Variants in AFG2A observed in about 807,000 individuals in gnomAD.
The protein encoded by AFG2A is AAA ATPase AFG2A.
At chr4:122,948,387 T>C in the AFG2A span, among the ~76,000 whole-genome samples, 271 of 129,604 alleles carry the variant, frequency 2.1e-3, 2 homozygotes, top group African/African-American at 7.1e-3. Flanking sequence ...CTCCAGAGTA[T>C]ACACACACAC....
chr4:123,073,878 C>G, the AFG2A span, among the ~76,000 whole-genome samples: 1 of 152,256 alleles, frequency 6.6e-6, no homozygotes, highest in East Asian at 1.9e-4. Flanking sequence ...ATTTAGGACT[C>G]AGAAATGCCC....
At chr4:122,943,971 T>C in the AFG2A span, among the ~76,000 whole-genome samples, 3 of 152,168 alleles carry the variant, frequency 2.0e-5, no homozygotes, top group African/African-American at 7.2e-5. Context: ...GCCCCCACTC[T>C]CTTCTGGCTT....
At chr4:123,165,518 A>T in the AFG2A span, among the ~76,000 whole-genome samples, 1 of 152,066 alleles carries the variant, frequency 6.6e-6, no homozygotes, top group Non-Finnish European at 1.5e-5. Flanking sequence ...CATTAGAAAA[A>T]CTATTGCTAC....
chr4:123,058,053 A>T, the AFG2A span, among the ~76,000 whole-genome samples: 1 of 152,214 alleles, frequency 6.6e-6, no homozygotes, highest in African/African-American at 2.4e-5. Context: ...CATTGCTGTT[A>T]TCATCCTTCT....
chr4:123,163,507 G>T, the AFG2A span, among the ~76,000 whole-genome samples: 1 of 152,134 alleles, frequency 6.6e-6, no homozygotes, highest in Admixed American at 6.5e-5. Flanking sequence ...AGTAAATTAG[G>T]TCATGCTTAT....
the AFG2A span, among the ~76,000 whole-genome samples, chr4:123,207,334 G>C: frequency 7.7e-6 from 1 of 129,692 alleles, no homozygotes. Flanking sequence ...TCTGTCGTCT[G>C]GGGTGGAGTG....
the AFG2A span, among the ~76,000 whole-genome samples, chr4:123,132,578 A>T: frequency 7.0e-6 from 1 of 143,118 alleles, no homozygotes. Context: ...GAATGGACGA[A>T]GAAAACATGA....
At chr4:122,946,264 A>G in the AFG2A span, among the ~76,000 whole-genome samples, 1 of 152,244 alleles carries the variant, frequency 6.6e-6, no homozygotes, top group Non-Finnish European at 1.5e-5. Flanking sequence ...AGGAAATCAG[A>G]TGAAAGGCTT....
the AFG2A span, among the ~76,000 whole-genome samples, chr4:123,198,186 T>C: frequency 1.3e-5 from 2 of 151,876 alleles, no homozygotes; most frequent in African/African-American, 2.4e-5. Context: ...GGAGAATCGC[T>C]TGAGCCCGGG....
chr4:123,189,809 C>CTTTTTTTTTTTTTTTTTTT, the AFG2A span, among the ~76,000 whole-genome samples: 2 of 61,776 alleles, frequency 3.2e-5, no homozygotes, highest in African/African-American at 1.3e-4. Context: ...AGGTCATTTG[C>CTTTTTTTTTTTTTTTTTTT]TTTTTTTTTT....
chr4:122,958,933 A>G, the AFG2A span, among the ~76,000 whole-genome samples: 1 of 152,152 alleles, frequency 6.6e-6, no homozygotes, highest in Non-Finnish European at 1.5e-5. Flanking sequence ...CTTGTCTGTG[A>G]CTGGACATTT....
At chr4:123,165,067 T>C in the AFG2A span, among the ~76,000 whole-genome samples, 1 of 151,912 alleles carries the variant, frequency 6.6e-6, no homozygotes, top group Non-Finnish European at 1.5e-5. Context: ...TTATTTGGAG[T>C]GAACTGTAAA....
the AFG2A span, among the ~76,000 whole-genome samples, chr4:123,274,547 T>A: frequency 6.6e-6 from 1 of 151,778 alleles, no homozygotes; most frequent in African/African-American, 2.4e-5. Context: ...TTTGGATCGT[T>A]GCTGGTTTGG....
the AFG2A span, among the ~76,000 whole-genome samples, chr4:123,297,075 C>T: frequency 2.6e-5 from 4 of 152,144 alleles, no homozygotes; most frequent in Admixed American, 6.5e-5. Flanking sequence ...CTGAACCGCC[C>T]CAGATTGGAG....
the AFG2A span, among the ~76,000 whole-genome samples, chr4:123,015,857 G>T: frequency 6.2e-5 from 4 of 64,138 alleles, no homozygotes; most frequent in East Asian, 6.1e-4. Flanking sequence ...GCCGGGCGGG[G>T]GGCTGACCCC....
the AFG2A span, among the ~76,000 whole-genome samples, chr4:123,075,937 A>C: frequency 4.6e-5 from 7 of 150,928 alleles, no homozygotes; most frequent in Non-Finnish European, 1.0e-4. Flanking sequence ...AGCCTGGGCA[A>C]CAAGGGCGAA....
the AFG2A span, among the ~76,000 whole-genome samples, chr4:122,939,578 T>C: frequency 6.6e-6 from 1 of 152,140 alleles, no homozygotes; most frequent in Non-Finnish European, 1.5e-5. Context: ...CAATAAATTT[T>C]AGAAATTATG....
At chr4:122,974,380 A>G in the AFG2A span, among the ~76,000 whole-genome samples, 1 of 152,178 alleles carries the variant, frequency 6.6e-6, no homozygotes, top group African/African-American at 2.4e-5. Flanking sequence ...GCCAGATACT[A>G]TCTGGCATTG....
At chr4:123,080,203 G>A in the AFG2A span, among the ~76,000 whole-genome samples, 1 of 152,194 alleles carries the variant, frequency 6.6e-6, no homozygotes, top group Admixed American at 6.5e-5. Context: ...AGATGAAGTC[G>A]TAAGGTTAGT....
Sources: gnomAD v4.1 joint callset for allele counts (sites outside exome capture counted in the v4.1 genomes callset) on GRCh38, gnomAD v4.1.1 for gene constraint, MANE v1.5 for transcripts, NCBI Gene and HGNC (gene_info 2026-07-23, HGNC 2026-07-21) for gene names.